UBXN4: variants seen among roughly 807,000 people sequenced by gnomAD.
The protein encoded by UBXN4 is UBX domain-containing protein 4.
UBXN4 carries 35 observed loss-of-function variants against 66.2 expected under a neutral mutation model. That is an observed-to-expected ratio of 0.53 (90% CI 0.40 to 0.70). UBXN4 has a LOEUF of 0.70. Among genes scored for constraint, UBXN4 ranks in the 30% least tolerant of loss-of-function variants. UBXN4 has a pLI of 0.00. For missense variants in UBXN4, 533 were observed against 599.8 expected (o/e 0.89, Z 1.16); for synonymous variants, 203 against 204.5 (o/e 0.99, Z 0.06).
intron 9 of UBXN4, 85 bp from the exon 10 acceptor site, chr2:135,776,164 T>A (rs1258691415): frequency 8.9e-7 from 1 of 1,128,836 alleles, no homozygotes; most frequent in Non-Finnish European, 1.3e-6. Flanking sequence ...ATTGCACATT[T>A]CCACTTCCAT....
intron 6 of UBXN4, among the ~76,000 whole-genome samples, chr2:135,763,037 C>G (rs2077324762): frequency 6.6e-6 from 1 of 152,196 alleles, no homozygotes; most frequent in African/African-American, 2.4e-5. Context: ...AGGGGAATGT[C>G]AGCTAGTGTC....
intron 1 of UBXN4, among the ~76,000 whole-genome samples, chr2:135,743,027 A>T (rs9630957): frequency 0.97 from 148,002 of 152,304 alleles, 72,031 homozygotes; most frequent in Non-Finnish European, 1. Context: ...TTCTGCTCAT[A>T]CTCATTACAT....
At chr2:135,760,735 G>A (rs1037551858) in intron 5 of UBXN4, among the ~76,000 whole-genome samples, 2 of 152,164 alleles carry the variant, frequency 1.3e-5, no homozygotes, top group Admixed American at 1.3e-4. Context: ...GGCTGCTAGT[G>A]GTTACCACTT....
At chr2:135,773,551 T>G (rs950855465) in intron 9 of UBXN4, among the ~76,000 whole-genome samples, 1 of 152,178 alleles carries the variant, frequency 6.6e-6, no homozygotes, top group East Asian at 1.9e-4. Context: ...ATGCCCAATC[T>G]TGTGGTGAAG....
At chr2:135,759,766 A>ATTT (rs10660396) in intron 5 of UBXN4, among the ~76,000 whole-genome samples, 40,270 of 93,450 alleles carry the variant, frequency 0.43, 11,632 homozygotes, top group Non-Finnish European at 0.63. Context: ...TCAATCCAGA[A>ATTT]TTTTTTTTTT....
intron 6 of UBXN4, among the ~76,000 whole-genome samples, chr2:135,765,430 C>T (rs1056048356): frequency 1.3e-5 from 2 of 151,820 alleles, no homozygotes; most frequent in South Asian, 2.1e-4. Flanking sequence ...AAGCTGGTCT[C>T]GAACTCCTGA....
At chr2:135,773,158 A>T (rs1373887942) in intron 9 of UBXN4, among the ~76,000 whole-genome samples, 1 of 152,184 alleles carries the variant, frequency 6.6e-6, no homozygotes, top group Non-Finnish European at 1.5e-5. Flanking sequence ...TATTTTTCAG[A>T]ATCCCCTATC....
intron 1 of UBXN4, among the ~76,000 whole-genome samples, chr2:135,745,875 C>CTTTTTTTTT (rs59946844): frequency 0.48 from 35,299 of 73,986 alleles, 13,175 homozygotes; most frequent in Non-Finnish European, 0.62. Context: ...GTCCCGTTTA[C>CTTTTTTTTT]TTTTTTTTTT....
At chr2:135,776,607 T>A (rs746111902) in intron 10 of UBXN4, among the ~76,000 whole-genome samples, 1 of 152,180 alleles carries the variant, frequency 6.6e-6, no homozygotes, top group Non-Finnish European at 1.5e-5. Context: ...TTTTTAAAAT[T>A]TTTTGAGACA....
intron 5 of UBXN4, among the ~76,000 whole-genome samples, chr2:135,758,441 T>A (rs72970275): frequency 0.05 from 7,558 of 152,170 alleles, 341 homozygotes; most frequent in African/African-American, 0.12. Flanking sequence ...CTCAAACTCC[T>A]GTCCTCCAGT....
At position 135,766,822 on chromosome 2, in the gene UBXN4, C is replaced by G. The variant is rs139088783; in HGVS notation, c.603-2947C>G. On this transcript the variant is annotated intron_variant, in intron 6 of 12. Transcript: ENST00000272638. Reference sequence around the variant, plus strand: ...TGGGGTGATTCAAATGGTAAATATCCTACTGCTTAAAAACTTCACCCGGTG... The same window carrying G: ...TGGGGTGATTCAAATGGTAAATATCGTACTGCTTAAAAACTTCACCCGGTG... 3.1e-3 allele frequency among the ~76,000 whole-genome samples: 469 copies of G among 152,184 alleles called. 1 individual carries two copies. The highest frequency in any genetic ancestry group is 3.5e-3 in the Non-Finnish European group (238 of 68,006).
intron 6 of UBXN4, among the ~76,000 whole-genome samples, chr2:135,766,023 G>A (rs926402254): frequency 2.6e-5 from 4 of 151,986 alleles, no homozygotes; most frequent in Admixed American, 1.3e-4. Flanking sequence ...CGTAGTGGTG[G>A]GTACCTGTAA....
chr2:135,777,755 C>T (rs555631074), intron 10 of UBXN4, among the ~76,000 whole-genome samples: 6 of 151,708 alleles, frequency 4.0e-5, no homozygotes, highest in South Asian at 4.2e-4. Flanking sequence ...TGGTGGTGGG[C>T]GCCTGTAATC....
intron 2 of UBXN4, among the ~76,000 whole-genome samples, chr2:135,749,183 A>G (rs945511892): frequency 2.0e-5 from 3 of 152,216 alleles, no homozygotes; most frequent in Non-Finnish European, 4.4e-5. Context: ...GCAGCCATCT[A>G]ACATGTACCA....
At chr2:135,765,211 T>G (rs111896288) in intron 6 of UBXN4, among the ~76,000 whole-genome samples, 35 of 151,974 alleles carry the variant, frequency 2.3e-4, no homozygotes, top group African/African-American at 7.9e-4. Flanking sequence ...TCATTATGTT[T>G]TTTTTTTTTT....
chr2:135,759,953 T>C (rs1575318048), intron 5 of UBXN4, among the ~76,000 whole-genome samples: 6 of 151,744 alleles, frequency 4.0e-5, no homozygotes, highest in Admixed American at 3.9e-4. Context: ...TTTTTAGTAG[T>C]GATGAGGTTT....
intron 9 of UBXN4, among the ~76,000 whole-genome samples, chr2:135,772,821 G>A (rs60996006): frequency 0.071 from 10,860 of 152,046 alleles, 684 homozygotes; most frequent in South Asian, 0.2. Flanking sequence ...GGCGGATCAC[G>A]AGGTCAGGAG....
chr2:135,756,846 A>G (rs1339010393), intron 5 of UBXN4, among the ~76,000 whole-genome samples: 2 of 152,152 alleles, frequency 1.3e-5, no homozygotes, highest in Non-Finnish European at 2.9e-5. Context: ...TGCTGGATAT[A>G]AAAATTTTTG....
intron 3 of UBXN4, 60 bp from the exon 4 acceptor site, chr2:135,754,099 T>A: frequency 8.7e-7 from 1 of 1,148,772 alleles, no homozygotes; most frequent in Non-Finnish European, 1.3e-6. Context: ...TTACCAATAG[T>A]GTTTCGTAAA....
Sources: gnomAD v4.1 joint callset for allele counts (sites outside exome capture counted in the v4.1 genomes callset) on GRCh38, gnomAD v4.1.1 for gene constraint, MANE v1.5 for transcripts, NCBI Gene and HGNC (gene_info 2026-07-23, HGNC 2026-07-21) for gene names.